PDE7A: variants seen among roughly 807,000 people sequenced by gnomAD.
PDE7A encodes phosphodiesterase 7A, also known as high affinity 3',5'-cyclic-AMP phosphodiesterase 7A.
A neutral mutation model predicts 64.3 loss-of-function variants in PDE7A; 39 were observed. The ratio of observed to expected loss-of-function variants is 0.61; its 90% CI spans 0.47 to 0.79. The LOEUF is 0.79. PDE7A is among the 30% of genes least tolerant of loss of function. The probability of loss-of-function intolerance (pLI) is 0.00; values close to 1 mark genes in which losing one functional copy is unlikely to be tolerated. For missense variants in PDE7A, 470 were observed against 582.8 expected (o/e 0.81, Z 1.99); for synonymous variants, 203 against 206.8 (o/e 0.98, Z 0.16).
intron 1 of PDE7A, among the ~76,000 whole-genome samples, chr8:65,824,105 C>T (rs1463402726): frequency 6.6e-6 from 1 of 152,174 alleles, no homozygotes; most frequent in Non-Finnish European, 1.5e-5. Context: ...GGCAACTGCA[C>T]CTAGCAAGTC....
chr8:65,755,863 T>C (rs1175985647), intron 3 of PDE7A, among the ~76,000 whole-genome samples: 1 of 152,204 alleles, frequency 6.6e-6, no homozygotes, highest in African/African-American at 2.4e-5. Flanking sequence ...GCTCAAGAGA[T>C]CTTCTTGCCC....
intron 1 of PDE7A, among the ~76,000 whole-genome samples, chr8:65,830,337 C>A (rs1156477731): frequency 6.6e-6 from 1 of 151,852 alleles, no homozygotes; most frequent in Non-Finnish European, 1.5e-5. Flanking sequence ...CCAGTTGCTA[C>A]CTGACAAAGC....
At chr8:65,729,617 G>A (rs756067644) in intron 7 of PDE7A, among the ~76,000 whole-genome samples, 1 of 152,052 alleles carries the variant, frequency 6.6e-6, no homozygotes, top group Non-Finnish European at 1.5e-5. Flanking sequence ...AGCCTGGAGT[G>A]CAGTGGTGCG....
chr8:65,817,885 T>C (rs867322835), intron 1 of PDE7A, among the ~76,000 whole-genome samples: 14 of 151,904 alleles, frequency 9.2e-5, no homozygotes, highest in African/African-American at 3.1e-4. Context: ...CCTGAGTAGC[T>C]GGGATTACAG....
In PDE7A at chr8:65,730,171, C is replaced by CTTTTTTTTTTTT. The variant is rs1179431555; in HGVS notation, c.697-2882_697-2871dup. 1.4e-3 allele frequency among the ~76,000 whole-genome samples: 121 copies of CTTTTTTTTTTTT among 86,428 alleles called. 17 individuals carry two copies. The highest frequency in any genetic ancestry group is 5.2e-3 in the African/African-American group (109 of 20,922). 56.7% of individuals were successfully genotyped at this position (86,428 alleles called of 152,430 possible). A position where few individuals can be genotyped will look rare whatever the true frequency, so the allele number is the denominator to read the frequency against. Reference sequence around the variant, plus strand: ...TGTGAGGGATCCAGGTTGCGCACTTCTTTTTTTTTTTTTTTTTTTTTTTTT... The same window carrying CTTTTTTTTTTTT: ...TGTGAGGGATCCAGGTTGCGCACTTCTTTTTTTTTTTTTTTTTTTTTTTTTTTTTTTTTTTTT... On this transcript the variant is annotated intron_variant, in intron 7 of 12. Coordinates refer to ENST00000401827, the MANE Select transcript of PDE7A (RefSeq NM_001242318.3).
intron 12 of PDE7A, chr8:65,722,173 T>C (rs898217708): frequency 1.3e-5 from 2 of 152,216 alleles, no homozygotes; most frequent in East Asian, 1.9e-4. Flanking sequence ...TGGTTCTAAA[T>C]TGTTTTACTA....
intron 3 of PDE7A, among the ~76,000 whole-genome samples, chr8:65,754,557 C>T (rs7461779): frequency 1.3e-5 from 2 of 151,118 alleles, no homozygotes; most frequent in African/African-American, 2.4e-5. Context: ...AGGCTGGTCT[C>T]GAACTCCTGA....
rs1806176986 is a variant in PDE7A at position 65,717,227 on chromosome 8, T to C, written c.*2063A>G. On this transcript the variant is annotated 3_prime_UTR_variant, in exon 13 of 13. Coordinates refer to ENST00000401827, the MANE Select transcript of PDE7A (RefSeq NM_001242318.3). ...TCTGTACAAATAATATGTTAATGTG[T>C]TTGATTTAGAAGTTTGCACCATATC... 6.6e-6 allele frequency among the ~76,000 whole-genome samples: 1 copy of C among 152,214 alleles called. No homozygotes were observed. Among genetic ancestry groups the C allele is most frequent in the African/African-American group, 2.4e-5 (1 of 41,444 alleles).
chr8:65,729,364 C>CTTTTTT (rs10540107), intron 7 of PDE7A, among the ~76,000 whole-genome samples: 4 of 80,076 alleles, frequency 5.0e-5, no homozygotes, highest in Non-Finnish European at 9.2e-5. Flanking sequence ...TTGGTGGTAG[C>CTTTTTT]TTTTTTTTTT....
At chr8:65,740,691 A>G (rs951375602) in intron 5 of PDE7A, among the ~76,000 whole-genome samples, 4 of 152,028 alleles carry the variant, frequency 2.6e-5, no homozygotes, top group Non-Finnish European at 4.4e-5. Context: ...GTGAGCTACC[A>G]CGCCTGGCCA....
intron 3 of PDE7A, among the ~76,000 whole-genome samples, chr8:65,767,993 C>A (rs189242099): frequency 6.6e-6 from 1 of 152,198 alleles, no homozygotes; most frequent in East Asian, 1.9e-4. Context: ...GGTTTAGGAA[C>A]TGAGCCCTTA....
chr8:65,839,783 T>A (rs1811033187), intron 1 of PDE7A, among the ~76,000 whole-genome samples: 1 of 152,216 alleles, frequency 6.6e-6, no homozygotes, highest in Non-Finnish European at 1.5e-5. Context: ...TCTCTGTGGA[T>A]TAATTAAGAC....
chr8:65,836,018 T>C (rs1464729000), intron 1 of PDE7A, among the ~76,000 whole-genome samples: 1 of 152,146 alleles, frequency 6.6e-6, no homozygotes, highest in Non-Finnish European at 1.5e-5. Context: ...TAGTATTAAA[T>C]TTAAATCAAA....
At chr8:65,798,702 T>C (rs1018404295) in intron 1 of PDE7A, among the ~76,000 whole-genome samples, 4 of 152,196 alleles carry the variant, frequency 2.6e-5, no homozygotes, top group Non-Finnish European at 5.9e-5. Context: ...ATGGCTAAAA[T>C]TGAAAACTGA....
intron 7 of PDE7A, among the ~76,000 whole-genome samples, chr8:65,734,277 C>G (rs1447699560): frequency 6.6e-6 from 1 of 152,152 alleles, no homozygotes; most frequent in Non-Finnish European, 1.5e-5. Flanking sequence ...ACCACCACAT[C>G]CTGTTCATTC....
chr8:65,760,870 C>A (rs1169983675), intron 3 of PDE7A, among the ~76,000 whole-genome samples: 1 of 151,986 alleles, frequency 6.6e-6, no homozygotes, highest in Non-Finnish European at 1.5e-5. Flanking sequence ...CAAATAGAGG[C>A]CACTACAGAG....
intron 7 of PDE7A, among the ~76,000 whole-genome samples, chr8:65,728,912 T>C (rs1212443942): frequency 6.6e-6 from 1 of 152,146 alleles, no homozygotes; most frequent in East Asian, 1.9e-4. Context: ...AGCAACTGAA[T>C]TCTCAAAAAT....
chr8:65,812,884 T>C (rs1162188141), intron 1 of PDE7A, among the ~76,000 whole-genome samples: 1 of 152,136 alleles, frequency 6.6e-6, no homozygotes, highest in Non-Finnish European at 1.5e-5. Context: ...GGTATGGAGA[T>C]AACGAGAAAG....
At position 65,786,467 on chromosome 8, in the gene PDE7A, AACTC is replaced by A. The variant is rs1394844272; in HGVS notation, c.139-3628_139-3625del. On this transcript the variant is annotated intron_variant, in intron 1 of 12. Transcript: ENST00000401827. ...GTAGGAAGGTAGAATAATCTACAGT[AACTC>A]ATTTTGGAAAAAACACTATAAATTA... Among the ~76,000 whole-genome samples, 3 of 152,204 alleles carry A rather than the reference AACTC, an allele frequency of 2.0e-5. No individual in the cohort carries two copies. In the East Asian group the frequency reaches 5.8e-4, roughly 29 times the overall value.
Sources: allele counts gnomAD v4.1 joint callset (sites outside exome capture counted in the v4.1 genomes callset), GRCh38; gene constraint gnomAD v4.1.1; transcripts MANE v1.5; gene names NCBI Gene and HGNC (gene_info 2026-07-23, HGNC 2026-07-21).